The following SLC30A8 variants were observed in gnomAD, a reference collection of about 807,000 sequenced individuals.
The protein encoded by SLC30A8 is solute carrier family 30 member 8, also known as proton-coupled zinc antiporter SLC30A8.
SLC30A8 carries 27 observed loss-of-function variants against 36.9 expected under a neutral mutation model. The observed-to-expected ratio is 0.73, with a 90% CI of 0.54 to 1.01. The LOEUF is 1.01. Among genes scored for constraint, SLC30A8 ranks in the 50% least tolerant of loss-of-function variants. The pLI, the probability that SLC30A8 is intolerant of heterozygous loss-of-function variation, is 0.00. For synonymous variants in SLC30A8, 164 were observed against 172.4 expected, an observed-to-expected ratio of 0.95 and a Z score of 0.38; for missense variants, 439 against 452.0, an observed-to-expected ratio of 0.97 and a Z score of 0.26.
intron 1 of SLC30A8, among the ~76,000 whole-genome samples, chr8:116,957,333 G>A (rs1814248572): frequency 6.6e-6 from 1 of 151,890 alleles, no homozygotes; most frequent in Admixed American, 6.6e-5. Context: ...CTGGAGTGCA[G>A]TGGCGCCATC....
At chr8:117,056,374 G>A (rs1268790175) in intron 2 of SLC30A8, among the ~76,000 whole-genome samples, 1 of 152,074 alleles carries the variant, frequency 6.6e-6, no homozygotes, top group Non-Finnish European at 1.5e-5. Context: ...AGGAGGAAAG[G>A]CTTCTGGCCA....
At chr8:116,973,650 G>T (rs1312391624) in intron 1 of SLC30A8, among the ~76,000 whole-genome samples, 1 of 152,156 alleles carries the variant, frequency 6.6e-6, no homozygotes, top group African/African-American at 2.4e-5. Context: ...TCCCCATCAA[G>T]CTACCAATGA....
Position 117,129,090 on chromosome 8 carries a change from T to C in SLC30A8, c.-225-6190T>C, listed in dbSNP as rs7820117. Reference sequence around the variant, plus strand: ...CTCAGAGCAGAATTTAATACACTGTTGGGTGGCAATTAGATAATCACATCT... The same window carrying C: ...CTCAGAGCAGAATTTAATACACTGTCGGGTGGCAATTAGATAATCACATCT... On this transcript the variant is annotated intron_variant, in intron 2 of 10. Transcript: ENST00000427715. 9.2e-3 allele frequency among the ~76,000 whole-genome samples: 1,403 copies of C among 152,148 alleles called. 23 individuals are homozygous for C. The highest frequency in any genetic ancestry group is 0.032 in the African/African-American group (1,312 of 41,556).
In SLC30A8 at chr8:117,135,175, C is replaced by A; in HGVS notation, c.-153C>A. Reference sequence around the variant, plus strand: ...GTAATTTTAGCAGACCTACCAACAACACTGATGTAGGAAGCTCATTATTTT... The same window carrying A: ...GTAATTTTAGCAGACCTACCAACAAAACTGATGTAGGAAGCTCATTATTTT... On this transcript the variant is annotated 5_prime_UTR_variant, in exon 1 of 8. Coordinates refer to ENST00000456015, the MANE Select transcript of SLC30A8 (RefSeq NM_173851.3). 1 of 478,638 alleles carries A rather than the reference C, an allele frequency of 2.1e-6. No individual in the cohort carries two copies. Among genetic ancestry groups the A allele is most frequent in the East Asian group, 3.1e-5 (1 of 32,312 alleles). The allele number at this position is 478,638 out of a possible 1,614,324, so 29.6% of individuals were successfully genotyped here.
At position 117,172,545 on chromosome 8, in the gene SLC30A8, G is replaced by A. The variant is rs16889462; in HGVS notation, c.974G>A (p.Arg325Gln). The A allele has an allele frequency of 7.9e-3, 12,784 of 1,613,552 alleles. 567 individuals are homozygous for A. The African/African-American group carries it at 0.11, about 13-fold the overall frequency. Residue 325 changes from arginine (R) to glutamine (Q), a missense_variant, in exon 8 of 8, where the codon CGG becomes CAG. Physicochemically the swap from Arg to Gln is conservative, Grantham distance 43. Coordinates refer to ENST00000456015, the MANE Select transcript of SLC30A8 (RefSeq NM_173851.3). ...LSAHVATAAS[R>Q]DSQVVRREIA... ...GCTTCTTTATCAACAGCAGCCAGCC[G>A]GGACAGCCAAGTGGTTCGGAGAGAA... is the stretch of plus-strand genomic sequence containing the variant.
intron 6 of SLC30A8, among the ~76,000 whole-genome samples, chr8:117,167,650 T>C (rs1823133320): frequency 6.6e-6 from 1 of 152,158 alleles, no homozygotes; most frequent in Non-Finnish European, 1.5e-5. Flanking sequence ...ACCCCATTCT[T>C]CTTCACAGCT....
At chr8:117,066,480 A>C (rs1272128410) in intron 2 of SLC30A8, among the ~76,000 whole-genome samples, 1 of 152,144 alleles carries the variant, frequency 6.6e-6, no homozygotes, top group Non-Finnish European at 1.5e-5. Flanking sequence ...AACCTCTTCT[A>C]GTAACAGAAA....
intron 1 of SLC30A8, among the ~76,000 whole-genome samples, chr8:116,973,962 G>C (rs1814883866): frequency 6.6e-6 from 1 of 152,166 alleles, no homozygotes; most frequent in African/African-American, 2.4e-5. Flanking sequence ...TTAATAAATG[G>C]TGCTGGGAAA....
chr8:117,128,691 C>T (rs531800209), intron 2 of SLC30A8: 1 of 152,068 alleles, frequency 6.6e-6, no homozygotes, highest in African/African-American at 2.4e-5. Context: ...ATTGGTAGTA[C>T]AATTTATTTA....
At chr8:117,137,179 C>A (rs1265861507) in intron 1 of SLC30A8, among the ~76,000 whole-genome samples, 2 of 151,940 alleles carry the variant, frequency 1.3e-5, no homozygotes, top group Non-Finnish European at 2.9e-5. Context: ...TCTATCTCCT[C>A]CTTAGGTCAC....
chr8:117,150,102 A>T (rs1822105799), intron 2 of SLC30A8, among the ~76,000 whole-genome samples: 1 of 152,250 alleles, frequency 6.6e-6, no homozygotes. Context: ...TTATAAACAA[A>T]GGAAGTTGAA....
In SLC30A8 at chr8:117,175,302, C is replaced by G. The variant is rs1045117561; in HGVS notation, c.*2621C>G. On this transcript the variant is annotated 3_prime_UTR_variant, in exon 8 of 8. Coordinates refer to ENST00000456015, the MANE Select transcript of SLC30A8 (RefSeq NM_173851.3). Reference sequence around the variant, plus strand: ...AGTGAAATCAGGTCAACTTTACCACCAGCCTCCATTTTTAATATGCTTCAC... The same window carrying G: ...AGTGAAATCAGGTCAACTTTACCACGAGCCTCCATTTTTAATATGCTTCAC... 2.0e-5 allele frequency: 3 copies of G among 152,096 alleles called. No individual in the cohort carries two copies. Among genetic ancestry groups the G allele is most frequent in the African/African-American group, 7.2e-5 (3 of 41,426 alleles). 9.4% of individuals were successfully genotyped at this position (152,096 alleles called of 1,614,324 possible). A position where few individuals can be genotyped will look rare whatever the true frequency, so the allele number is the denominator to read the frequency against.
chr8:117,034,255 C>T (rs1223490366), intron 1 of SLC30A8, among the ~76,000 whole-genome samples: 3 of 151,858 alleles, frequency 2.0e-5, no homozygotes, highest in Non-Finnish European at 4.4e-5. Flanking sequence ...TGTACATGAA[C>T]AATAATAAAA....
At chr8:117,097,135 C>G (rs1158225626) in intron 2 of SLC30A8, among the ~76,000 whole-genome samples, 1 of 151,634 alleles carries the variant, frequency 6.6e-6, no homozygotes, top group South Asian at 2.1e-4. Flanking sequence ...TGTAGTGGCT[C>G]ACGCCTGTAG....
chr8:116,955,683 A>G (rs1215601392), intron 1 of SLC30A8, among the ~76,000 whole-genome samples: 7 of 151,522 alleles, frequency 4.6e-5, no homozygotes, highest in African/African-American at 1.7e-4. Flanking sequence ...AGATCACGCC[A>G]CTGCACTCCA....
chr8:117,033,150 A>C (rs1817109608), intron 1 of SLC30A8, among the ~76,000 whole-genome samples: 1 of 152,258 alleles, frequency 6.6e-6, no homozygotes, highest in Non-Finnish European at 1.5e-5. Flanking sequence ...TTAGGTATAC[A>C]TCCAAAAGTA....
At chr8:117,039,548 A>C (rs1817318867) in intron 2 of SLC30A8, among the ~76,000 whole-genome samples, 1 of 152,138 alleles carries the variant, frequency 6.6e-6, no homozygotes, top group African/African-American at 2.4e-5. Context: ...GCTCTGCCCC[A>C]TACTTTATAC....
chr8:117,100,231 G>T (rs1166726990), intron 2 of SLC30A8, among the ~76,000 whole-genome samples: 1 of 151,890 alleles, frequency 6.6e-6, no homozygotes, highest in Non-Finnish European at 1.5e-5. Flanking sequence ...TTAGTGGATG[G>T]GTATTATTGT....
chr8:117,142,004 T>C (rs533918205), intron 1 of SLC30A8, among the ~76,000 whole-genome samples: 27 of 152,242 alleles, frequency 1.8e-4, no homozygotes, highest in African/African-American at 6.3e-4. Flanking sequence ...TACAGTCATA[T>C]GACTAGTGAG....
Sources: allele counts gnomAD v4.1 joint callset (sites outside exome capture counted in the v4.1 genomes callset), GRCh38; gene constraint gnomAD v4.1.1; transcripts MANE v1.5; gene names NCBI Gene and HGNC (gene_info 2026-07-23, HGNC 2026-07-21).